Variants in ZNF207 observed in about 807,000 individuals in gnomAD.
ZNF207 encodes zinc finger protein 207, also known as BUB3-interacting and GLEBS motif-containing protein ZNF207.
ZNF207 carries 24 observed loss-of-function variants against 60.2 expected under a neutral mutation model. That is an observed-to-expected ratio of 0.40 (90% CI 0.29 to 0.56). The LOEUF is 0.56. Ranked by LOEUF, ZNF207 falls within the 20% of genes least tolerant of loss-of-function variation. The probability of loss-of-function intolerance (pLI) is 0.49; values close to 1 mark genes in which losing one functional copy is unlikely to be tolerated. For missense variants in ZNF207, 452 were observed against 636.6 expected, an observed-to-expected ratio of 0.71 and a Z score of 3.12; for synonymous variants, 236 against 194.7, an observed-to-expected ratio of 1.21 and a Z score of -1.77.
chr17:32,356,133 A>G (rs185702677), intron 2 of ZNF207, among the ~76,000 whole-genome samples: 44 of 152,272 alleles, frequency 2.9e-4, no homozygotes, highest in South Asian at 6.2e-4. Flanking sequence ...ACCCTAAGAC[A>G]TTATTAGTAA....
Position 32,369,452 on chromosome 17 carries a change from A to C in ZNF207, c.1322A>C (p.His441Pro), listed in dbSNP as rs775443300. The C allele has an allele frequency of 2.5e-6, 4 of 1,613,726 alleles. No individual in the cohort carries two copies. In the Admixed American group the frequency reaches 5.0e-5, roughly 20 times the overall value. The change falls in exon 11 of 12, where the codon CAT becomes CCT. Residue 441 changes from histidine (H) to proline (P), a missense_variant and splice_region_variant. Transcript: ENST00000394670. Reference protein sequence around the residue: ...QQGMRPPMPPHGQYGGHHQGM... With the variant: ...QQGMRPPMPPPGQYGGHHQGM... ...GGAATGAGACCCCCAATGCCACCTCATGGTATTCCTCTTTTTATGTTTTTC... is the reference window on the plus strand; with the variant it reads ...GGAATGAGACCCCCAATGCCACCTCCTGGTATTCCTCTTTTTATGTTTTTC...
At chr17:32,367,607 G>C (rs1266345083) in intron 9 of ZNF207, among the ~76,000 whole-genome samples, 165 bp from the exon 10 acceptor site, 1 of 151,524 alleles carries the variant, frequency 6.6e-6, no homozygotes. Flanking sequence ...TATTTTTATG[G>C]GTTATCTTGA....
chr17:32,355,353 A>G (rs1159706326), intron 2 of ZNF207, among the ~76,000 whole-genome samples: 1 of 152,186 alleles, frequency 6.6e-6, no homozygotes, highest in East Asian at 1.9e-4. Context: ...AGCACTACTC[A>G]GCTCCAACTT....
chr17:32,365,774 A>G (rs1257751571), intron 8 of ZNF207, among the ~76,000 whole-genome samples: 1 of 141,246 alleles, frequency 7.1e-6, no homozygotes, highest in East Asian at 2.0e-4. Flanking sequence ...ATGAAAGTTT[A>G]GTATCTGGAG....
At chr17:32,366,633 CTT>C in intron 8 of ZNF207, 30 bp from the exon 9 acceptor site, 1 of 1,571,590 alleles carries the variant, frequency 6.4e-7, no homozygotes, top group Non-Finnish European at 8.6e-7. Context: ...TGTTTGGAGA[CTT>C]TTCATTGTTT....
rs1332434621 is a variant in ZNF207, at chr17:32,381,283, G to T, written c.*11524G>T. ...ATACAAGGGATATGATTGTAAGGAG[G>T]TCCTGAACAAAGCATGATAAATGTT... On this transcript the variant is annotated 3_prime_UTR_variant, in exon 12 of 12. Coordinates refer to ENST00000394670, the MANE Select transcript of ZNF207 (RefSeq NM_001098507.2). The T allele has an allele frequency of 6.6e-6, 1 of 152,182 alleles. No homozygotes were observed. The highest frequency in any genetic ancestry group is 2.4e-5 in the African/African-American group (1 of 41,430). The allele number at this position is 152,182 out of a possible 1,614,324, so 9.4% of individuals were successfully genotyped here.
rs772462101 is a variant in ZNF207, at chr17:32,357,348, A to ATT, written c.169-1154_169-1153dup. On this transcript the variant is annotated intron_variant, in intron 2 of 11. Transcript: ENST00000394670. ...TATTATTATTATTATTATTATTATT[A>ATT]TTATTTTTTTTTTTTTTTGAGACAG... Among the ~76,000 whole-genome samples, 88 of 77,640 alleles carry ATT rather than the reference A, an allele frequency of 1.1e-3. 2 individuals carry two copies. The highest frequency in any genetic ancestry group is 7.2e-3 in the East Asian group (22 of 3,040). 50.9% of individuals were successfully genotyped at this position (77,640 alleles called of 152,430 possible). A position where few individuals can be genotyped will look rare whatever the true frequency, so the allele number is the denominator to read the frequency against.
chr17:32,360,289 G>A (rs915085961), intron 3 of ZNF207, among the ~76,000 whole-genome samples: 6 of 151,766 alleles, frequency 4.0e-5, no homozygotes, highest in Admixed American at 2.0e-4. Flanking sequence ...GTTTGAGAGT[G>A]CAGTGAGCTG....
At position 32,357,345 on chromosome 17, in the gene ZNF207, A is replaced by ATT. The variant is rs1232093255; in HGVS notation, c.169-1157_169-1156dup. Among the ~76,000 whole-genome samples, 77 of 64,970 alleles carry ATT rather than the reference A, an allele frequency of 1.2e-3. 1 individual carries two copies. Among genetic ancestry groups the ATT allele is most frequent in the East Asian group, 6.0e-3 (19 of 3,172 alleles). The allele number at this position is 64,970 out of a possible 152,430, so 42.6% of individuals were successfully genotyped here. On this transcript the variant is annotated intron_variant, in intron 2 of 11. Transcript: ENST00000394670. ...TATTATTATTATTATTATTATTATT[A>ATT]TTATTATTTTTTTTTTTTTTTGAGA...
intron 2 of ZNF207, among the ~76,000 whole-genome samples, chr17:32,357,812 TG>T (rs1304013141): frequency 1.3e-5 from 2 of 151,990 alleles, no homozygotes; most frequent in Non-Finnish European, 2.9e-5. Context: ...ATTTTTTTTT[TG>T]TTTTTTTTGA....
chr17:32,361,564 A>AT lies in ZNF207; in HGVS notation c.599+56dup, dbSNP rs747356932. ...ATTCAGGAGGTATAATCATACTGTC[A>AT]TTTTTTTATGTGTGTGTTTAATGGT... is the stretch of plus-strand genomic sequence containing the variant. On this transcript the variant is annotated intron_variant, in intron 6 of 11. Transcript: ENST00000394670. 242 of 1,530,216 alleles carry AT rather than the reference A, an allele frequency of 1.6e-4. 2 individuals carry two copies. Among genetic ancestry groups the AT allele is most frequent in the Admixed American group, 7.4e-5 (4 of 53,966 alleles). The allele number at this position is 1,530,216 out of a possible 1,614,324, so 94.8% of individuals were successfully genotyped here. A position where few individuals can be genotyped will look rare whatever the true frequency, so the allele number is the denominator to read the frequency against.
At chr17:32,368,690 CAAA>C (rs56261296) in intron 10 of ZNF207, 3 of 113,064 alleles carry the variant, frequency 2.7e-5, no homozygotes, top group Non-Finnish European at 5.4e-5. Context: ...GACTCCATCT[CAAA>C]AAAAAAAAAA....
chr17:32,353,681 G>A (rs1241493882), intron 2 of ZNF207, among the ~76,000 whole-genome samples: 10 of 145,062 alleles, frequency 6.9e-5, no homozygotes, highest in African/African-American at 1.0e-4. Context: ...GGGGGCGGGG[G>A]GAGGGCTGGG....
rs1255380528 is a variant in ZNF207, at chr17:32,381,686, C to T, written c.*11927C>T. 6.6e-6 allele frequency: 1 copy of T among 152,044 alleles called. No homozygotes were observed. The highest frequency in any genetic ancestry group is 1.5e-5 in the Non-Finnish European group (1 of 68,000). 9.4% of individuals were successfully genotyped at this position (152,044 alleles called of 1,614,324 possible). ...CTTATTTTAAGTAAGCCAAGTCTACCATTTGAAAAATGGTGCTTTATTTCC... is the reference window on the plus strand; with the variant it reads ...CTTATTTTAAGTAAGCCAAGTCTACTATTTGAAAAATGGTGCTTTATTTCC... On this transcript the variant is annotated 3_prime_UTR_variant, in exon 12 of 12. Coordinates refer to ENST00000394670, the MANE Select transcript of ZNF207 (RefSeq NM_001098507.2).
In ZNF207 at chr17:32,360,647, C is replaced by T. The variant is rs778180423; in HGVS notation, c.357C>T (p.Asp119=). The part of the protein sequence containing the change: ...QQDDSDEYDD[D]DSAASTSFQP... ...ATGATTCTGATGAATATGATGATGA[C>T]GACTCTGCAGCCTCAACTTCATTTC... Residue 119 remains aspartate, a synonymous_variant, in exon 4 of 12, where the codon GAC becomes GAT. Coordinates refer to ENST00000394670, the MANE Select transcript of ZNF207 (RefSeq NM_001098507.2). The T allele has an allele frequency of 1.1e-5, 17 of 1,613,530 alleles. No homozygotes were observed. In the Middle Eastern group the frequency reaches 4.9e-4, roughly 47 times the overall value.
rs551148720 is a variant in ZNF207, at chr17:32,378,767, A to G, written c.*9008A>G. ...TCTAAAGATTTCCTTTAACCTCTAA[A>G]TGTTGTGCTTTTAGGTTGATAACAA... On this transcript the variant is annotated 3_prime_UTR_variant, in exon 12 of 12. Coordinates refer to ENST00000394670, the MANE Select transcript of ZNF207 (RefSeq NM_001098507.2). 5.9e-5 allele frequency: 9 copies of G among 152,010 alleles called. No homozygotes were observed. In the East Asian group the frequency reaches 1.5e-3, roughly 26 times the overall value. 9.4% of individuals were successfully genotyped at this position (152,010 alleles called of 1,614,324 possible). A position where few individuals can be genotyped will look rare whatever the true frequency, so the allele number is the denominator to read the frequency against.
chr17:32,375,315 G>C lies in ZNF207; in HGVS notation c.*5556G>C, dbSNP rs1176132359. On this transcript the variant is annotated 3_prime_UTR_variant, in exon 12 of 12. Coordinates refer to ENST00000394670, the MANE Select transcript of ZNF207 (RefSeq NM_001098507.2). Reference sequence around the variant, plus strand: ...CAACATTTAAGAGTCCTTAATTGGAGATCTGTTTTCTCTATTACCTACCAT... The same window carrying C: ...CAACATTTAAGAGTCCTTAATTGGACATCTGTTTTCTCTATTACCTACCAT... The C allele has an allele frequency of 6.6e-6, 1 of 152,120 alleles. No individual in the cohort carries two copies. Among genetic ancestry groups the C allele is most frequent in the African/African-American group, 2.4e-5 (1 of 41,416 alleles). 9.4% of individuals were successfully genotyped at this position (152,120 alleles called of 1,614,324 possible).
At chr17:32,366,566 C>A in intron 8 of ZNF207, 99 bp from the exon 9 acceptor site, 1 of 858,098 alleles carries the variant, frequency 1.2e-6, no homozygotes, top group Admixed American at 3.3e-5. Context: ...TTAAATTTTG[C>A]ATTTACAAAT....
intron 1 of ZNF207, chr17:32,351,219 T>A (rs549783810): frequency 2.3e-5 from 4 of 173,938 alleles, no homozygotes; most frequent in African/African-American, 9.6e-5. Context: ...AATTCTGCTT[T>A]ATTGATTTTA....
Sources: gnomAD v4.1 joint callset for allele counts (sites outside exome capture counted in the v4.1 genomes callset) on GRCh38, gnomAD v4.1.1 for gene constraint, MANE v1.5 for transcripts, NCBI Gene and HGNC (gene_info 2026-07-23, HGNC 2026-07-21) for gene names.